Variants in NAA15 observed in about 807,000 individuals in gnomAD.
NAA15 encodes the protein N-alpha-acetyltransferase 15, NatA auxiliary subunit.
In NAA15, 34 loss-of-function variants were observed where a neutral mutation model predicts 114.0. That is an observed-to-expected ratio of 0.30 (90% CI 0.23 to 0.40). The LOEUF is 0.40. NAA15 is among the 10% of genes least tolerant of loss of function. The pLI, the probability that NAA15 is intolerant of heterozygous loss-of-function variation, is 1.00. For missense variants in NAA15, 658 were observed against 1,004.5 expected (o/e 0.66, Z 4.66); for synonymous variants, 340 against 338.0 (o/e 1.01, Z -0.06).
At chr4:139,320,480 C>T (rs1746559410) in intron 1 of NAA15, among the ~76,000 whole-genome samples, 1 of 152,078 alleles carries the variant, frequency 6.6e-6, no homozygotes, top group Non-Finnish European at 1.5e-5. Flanking sequence ...CCAGTTCTTT[C>T]TCTGTGATCT....
Position 139,319,209 on chromosome 4 carries a change from G to A in NAA15, c.55-14965G>A, listed in dbSNP as rs555372092. Among the ~76,000 whole-genome samples, 22 of 152,282 alleles carry A rather than the reference G, an allele frequency of 1.4e-4. No individual in the cohort carries two copies. In the South Asian group the frequency reaches 2.1e-3, roughly 14 times the overall value. Reference sequence around the variant, plus strand: ...TTCAGGAGGCTGAGGCAGGACAGTCGTTTAAACCCGTGAGGCGGGGGTTGC... The same window carrying A: ...TTCAGGAGGCTGAGGCAGGACAGTCATTTAAACCCGTGAGGCGGGGGTTGC... On this transcript the variant is annotated intron_variant, in intron 1 of 19. Coordinates refer to ENST00000296543, the MANE Select transcript of NAA15 (RefSeq NM_057175.5).
intron 1 of NAA15, among the ~76,000 whole-genome samples, chr4:139,310,346 T>C (rs1028642066): frequency 6.8e-6 from 1 of 146,870 alleles, no homozygotes; most frequent in Non-Finnish European, 1.5e-5. Flanking sequence ...CCCAGCTACT[T>C]GGGAGGCTGA....
At chr4:139,385,462 CTTTCT>C (rs1297492144) in intron 18 of NAA15, among the ~76,000 whole-genome samples, 1 of 151,378 alleles carries the variant, frequency 6.6e-6, no homozygotes, top group Non-Finnish European at 1.5e-5. Flanking sequence ...GAAGGTAGAG[CTTTCT>C]TTTATTTCTT....
intron 12 of NAA15, 47 bp downstream of exon 12, chr4:139,359,942 C>A (rs752773008): frequency 5.3e-5 from 79 of 1,496,082 alleles, no homozygotes; most frequent in Non-Finnish European, 6.8e-5. Flanking sequence ...AGACATGAGC[C>A]AGTTCATACT....
At chr4:139,333,732 T>G (rs915154747) in intron 1 of NAA15, among the ~76,000 whole-genome samples, 10 of 152,068 alleles carry the variant, frequency 6.6e-5, no homozygotes, top group Admixed American at 6.5e-4. Context: ...AGTCCCTGTC[T>G]CTACAAAAAA....
chr4:139,331,156 T>C (rs527744899), intron 1 of NAA15, among the ~76,000 whole-genome samples: 35 of 152,290 alleles, frequency 2.3e-4, no homozygotes, highest in African/African-American at 7.9e-4. Flanking sequence ...TGTCTAAAAG[T>C]CAGCTAGCAC....
At chr4:139,326,814 A>G (rs1579095003) in intron 1 of NAA15, among the ~76,000 whole-genome samples, 1 of 152,348 alleles carries the variant, frequency 6.6e-6, no homozygotes, top group East Asian at 1.9e-4. Context: ...ATTAAAATAA[A>G]TTTTTACTTA....
chr4:139,340,361 A>G (rs1444553980), intron 3 of NAA15, among the ~76,000 whole-genome samples: 1 of 152,142 alleles, frequency 6.6e-6, no homozygotes, highest in African/African-American at 2.4e-5. Flanking sequence ...GGTTAAATGA[A>G]TGAATGTTTT....
rs1181192026 is a variant in NAA15, at chr4:139,315,001, T to TTCAGTTCAGGTTAGG, written c.54+13171_54+13172insCAGTTCAGGTTAGGT. Among the ~76,000 whole-genome samples the TTCAGTTCAGGTTAGG allele has an allele frequency of 1.2e-4, 9 of 74,352 alleles. 1 individual carries two copies. Among genetic ancestry groups the TTCAGTTCAGGTTAGG allele is most frequent in the Admixed American group, 1.5e-4 (1 of 6,490 alleles). 48.8% of individuals were successfully genotyped at this position (74,352 alleles called of 152,430 possible). A position where few individuals can be genotyped will look rare whatever the true frequency, so the allele number is the denominator to read the frequency against. On this transcript the variant is annotated intron_variant, in intron 1 of 19. Transcript: ENST00000296543. ...TAGAGAAGCGTTCAGTTCAGTTCAG[T>TTCAGTTCAGGTTAGG]TTAGTTTAGGTTAGGTTAGGTTAGG...
At chr4:139,343,656 C>T (rs1040380478) in intron 5 of NAA15, among the ~76,000 whole-genome samples, 2 of 152,186 alleles carry the variant, frequency 1.3e-5, no homozygotes, top group Admixed American at 6.5e-5. Context: ...GGTCCTTCTG[C>T]GTTCATTACA....
chr4:139,383,934 G>A (rs1317792691), intron 17 of NAA15, among the ~76,000 whole-genome samples: 6 of 152,132 alleles, frequency 3.9e-5, no homozygotes, highest in Non-Finnish European at 7.3e-5. Flanking sequence ...AGATAGGGAG[G>A]GTGAGGAAAA....
intron 17 of NAA15, among the ~76,000 whole-genome samples, chr4:139,383,403 G>T (rs1168732185): frequency 6.6e-6 from 1 of 152,188 alleles, no homozygotes; most frequent in Non-Finnish European, 1.5e-5. Flanking sequence ...GTATAACTTG[G>T]ATTCAATCCA....
chr4:139,302,161 A>G (rs956893628), intron 1 of NAA15: 3 of 293,786 alleles, frequency 1.0e-5, no homozygotes, highest in Non-Finnish European at 1.3e-5. Context: ...AGTGGGCGAC[A>G]CCGGCAGGAG....
At chr4:139,361,601 G>T in intron 13 of NAA15, 123 bp from the exon 14 acceptor site, 1 of 612,510 alleles carries the variant, frequency 1.6e-6, no homozygotes, top group Admixed American at 3.3e-5. Context: ...AATTGTAATT[G>T]TTTTTTTAAA....
At chr4:139,347,159 G>A (rs1003871625) in intron 6 of NAA15, among the ~76,000 whole-genome samples, 1 of 152,096 alleles carries the variant, frequency 6.6e-6, no homozygotes. Context: ...TGACATTTTG[G>A]GCCTGAGTTG....
At chr4:139,360,101 TA>T (rs1295392027) in intron 12 of NAA15, among the ~76,000 whole-genome samples, 1 of 152,228 alleles carries the variant, frequency 6.6e-6, no homozygotes, top group Non-Finnish European at 1.5e-5. Context: ...AATGGACTTT[TA>T]AACTGGTTTA....
rs535137999 is a variant in NAA15, at chr4:139,342,301, A to C, written c.403-525A>C. On this transcript the variant is annotated intron_variant, in intron 4 of 19. Coordinates refer to ENST00000296543, the MANE Select transcript of NAA15 (RefSeq NM_057175.5). Reference sequence around the variant, plus strand: ...GTTTGGTCTTAAGTTTTAAAAACTTAAATCTGGTCTTAAGTTTTAAAAAAA... The same window carrying C: ...GTTTGGTCTTAAGTTTTAAAAACTTCAATCTGGTCTTAAGTTTTAAAAAAA... Among the ~76,000 whole-genome samples the C allele has an allele frequency of 4.7e-5, 7 of 149,698 alleles. No homozygotes were observed. The South Asian group carries it at 1.5e-3, about 31-fold the overall frequency.
chr4:139,307,126 TGCC>T (rs1284528384), intron 1 of NAA15, among the ~76,000 whole-genome samples: 1 of 152,226 alleles, frequency 6.6e-6, no homozygotes, highest in Non-Finnish European at 1.5e-5. Flanking sequence ...TGTCACTATT[TGCC>T]AGGTAAAATG....
chr4:139,308,586 GTAGTTAATCA>G (rs1746105910), intron 1 of NAA15, among the ~76,000 whole-genome samples: 1 of 152,200 alleles, frequency 6.6e-6, no homozygotes. Flanking sequence ...TCAGCTCTTA[GTAGTTAATCA>G]TAAGTTTATT....
Sources: allele counts gnomAD v4.1 joint callset (sites outside exome capture counted in the v4.1 genomes callset), GRCh38; gene constraint gnomAD v4.1.1; transcripts MANE v1.5; gene names NCBI Gene and HGNC (gene_info 2026-07-23, HGNC 2026-07-21).